ARL10: variants seen among roughly 807,000 people sequenced by gnomAD.
The protein encoded by ARL10 is ADP-ribosylation factor-like protein 10.
ARL10 carries 23 observed loss-of-function variants against 26.1 expected under a neutral mutation model. The ratio of observed to expected loss-of-function variants is 0.88; its 90% CI spans 0.63 to 1.25. The LOEUF (loss-of-function observed/expected upper bound fraction) is 1.25, where lower values mean the gene tolerates loss of function less well. ARL10 is among the 50% of genes most tolerant of loss of function. The pLI is 0.00. For missense variants in ARL10, 300 were observed against 323.6 expected (o/e 0.93, Z 0.56); for synonymous variants, 138 against 149.1 (o/e 0.93, Z 0.54).
intron 3 of ARL10, chr5:176,369,349 C>A: frequency 3.4e-6 from 2 of 582,268 alleles, no homozygotes; most frequent in Non-Finnish European, 5.2e-6. Context: ...TCTTGTGCCT[C>A]AGCCTTCCGA....
chr5:176,392,705 G>A (rs1756311127), downstream of ARL10: 18 of 1,565,708 alleles, frequency 1.1e-5, no homozygotes, highest in East Asian at 2.3e-5. The surrounding 1 kb of genome is among the most constrained non-coding windows in gnomAD (Gnocchi z 5.2). Flanking sequence ...TCTCCACCCC[G>A]ACCAAAGCAG....
At chr5:176,398,199 G>T in intron 1 of ARL10, 1 of 680,290 alleles carries the variant, frequency 1.5e-6, no homozygotes, top group Non-Finnish European at 2.6e-6. Flanking sequence ...CTTTGCACTT[G>T]CTGTTCCCTC....
downstream of ARL10, chr5:176,406,433 G>A (rs1757124518): frequency 8.6e-7 from 1 of 1,166,960 alleles, no homozygotes; most frequent in Non-Finnish European, 1.1e-6. Context: ...CTCCAGGGAT[G>A]GCCAAGAGGA....
chr5:176,397,185 T>A (rs1756563634), intron 1 of ARL10, among the ~76,000 whole-genome samples: 1 of 152,098 alleles, frequency 6.6e-6, no homozygotes. Context: ...ATGCAGCAGT[T>A]CCCTAGACAG....
Position 176,372,199 on chromosome 5 carries a change from G to T in ARL10, c.*304G>T. 1.3e-6 allele frequency: 1 copy of T among 743,888 alleles called. No individual in the cohort carries two copies. The highest frequency in any genetic ancestry group is 3.0e-5 in the South Asian group (1 of 33,450). 46.1% of individuals were successfully genotyped at this position (743,888 alleles called of 1,614,324 possible). A position where few individuals can be genotyped will look rare whatever the true frequency, so the allele number is the denominator to read the frequency against. ...TCTTACCTGTACAGTGAGATGCTCA[G>T]TGGGCTCAATCCTCCACTACAGGTC... On this transcript the variant is annotated 3_prime_UTR_variant, in exon 4 of 4. Coordinates refer to ENST00000310389, the MANE Select transcript of ARL10 (RefSeq NM_173664.6).
chr5:176,414,586 C>A, the ARL10 span, among the ~76,000 whole-genome samples: 1 of 152,082 alleles, frequency 6.6e-6, no homozygotes, highest in African/African-American at 2.4e-5. Flanking sequence ...ACAACTACAG[C>A]TACATGCCAC....
In ARL10 at chr5:176,379,160, T is replaced by C. The variant is rs183167281; in HGVS notation, c.*7265T>C. The C allele has an allele frequency of 3.7e-4, 56 of 152,196 alleles. No individual in the cohort carries two copies. Among genetic ancestry groups the C allele is most frequent in the African/African-American group, 1.3e-3 (52 of 41,520 alleles). The allele number at this position is 152,196 out of a possible 1,614,324, so 9.4% of individuals were successfully genotyped here. On this transcript the variant is annotated 3_prime_UTR_variant, in exon 4 of 4. Transcript: ENST00000310389. ...GCTTTCCCAACTATGTTCTTTTTTA[T>C]GTATGTATGTATGTATTTATTTTTT...
chr5:176,398,176 T>G (rs1303195291), intron 1 of ARL10: 1 of 749,242 alleles, frequency 1.3e-6, no homozygotes, highest in Non-Finnish European at 2.3e-6. Flanking sequence ...CTGTCTCTGG[T>G]GACTACACCT....
At chr5:176,398,224 C>T (rs901581760) in intron 1 of ARL10, among the ~76,000 whole-genome samples, 13 of 152,186 alleles carry the variant, frequency 8.5e-5, no homozygotes, top group African/African-American at 2.2e-4. Context: ...AGCAACACTC[C>T]GCCACCTGTG....
chr5:176,407,776 C>T, the ARL10 span, among the ~76,000 whole-genome samples: 6 of 152,196 alleles, frequency 3.9e-5, no homozygotes, highest in Admixed American at 6.5e-5. Context: ...TTGACTCCCT[C>T]GGGCCCAACT....
chr5:176,392,964 C>T (rs529507506), downstream of ARL10: 200 of 1,613,920 alleles, frequency 1.2e-4, no homozygotes, highest in South Asian at 1.4e-3. The surrounding 1 kb of genome is among the most constrained non-coding windows in gnomAD (Gnocchi z 5.2). Context: ...GGAGATAGGA[C>T]GGGCTTTTAT....
downstream of ARL10, among the ~76,000 whole-genome samples, chr5:176,404,738 T>C (rs1368404324): frequency 6.6e-6 from 1 of 152,194 alleles, no homozygotes; most frequent in East Asian, 1.9e-4. Context: ...CTTTGGCCTC[T>C]CCTGGCACGT....
chr5:176,401,575 GA>G (rs1183876648), intron 1 of ARL10, among the ~76,000 whole-genome samples: 1 of 152,162 alleles, frequency 6.6e-6, no homozygotes, highest in African/African-American at 2.4e-5. Context: ...GGTCATATCT[GA>G]GCACTGTCTT....
At chr5:176,407,908 T>G in the ARL10 span, among the ~76,000 whole-genome samples, 2 of 152,022 alleles carry the variant, frequency 1.3e-5, no homozygotes, top group South Asian at 4.1e-4. Context: ...CCCTCTTACA[T>G]AAGAAAATAA....
chr5:176,406,343 T>A, downstream of ARL10: 1 of 1,112,004 alleles, frequency 9.0e-7, no homozygotes, highest in Non-Finnish European at 1.1e-6. Context: ...CTCCCTAGAA[T>A]CCCTCTCCTG....
At chr5:176,389,219 C>T, downstream of ARL10, 4 of 1,330,580 alleles carry the variant, frequency 3.0e-6, no homozygotes, top group Non-Finnish European at 4.2e-6. Flanking sequence ...CCCTCGCCGC[C>T]CTCCCTCCGC....
At chr5:176,369,958 CAA>C (rs34183741) in intron 3 of ARL10, among the ~76,000 whole-genome samples, 17 of 136,148 alleles carry the variant, frequency 1.2e-4, no homozygotes, top group Admixed American at 1.5e-4. Flanking sequence ...GACCCTATCT[CAA>C]AAAAAAAAAA....
intron 1 of ARL10, chr5:176,397,918 C>T: frequency 3.1e-6 from 5 of 1,611,580 alleles, no homozygotes; most frequent in Non-Finnish European, 4.2e-6. Flanking sequence ...CCCGCCTCAG[C>T]CCCGCCCTCA....
chr5:176,380,202 G>A lies in ARL10; in HGVS notation c.*8307G>A, dbSNP rs1304246141. 6.6e-6 allele frequency: 1 copy of A among 152,174 alleles called. No individual in the cohort carries two copies. Among genetic ancestry groups the A allele is most frequent in the East Asian group, 1.9e-4 (1 of 5,200 alleles). 9.4% of individuals were successfully genotyped at this position (152,174 alleles called of 1,614,324 possible). ...AAGAGACAGAGAAGGAGCAATCCAG[G>A]TTCATGTGCTGCATGAGCCTTTCAT... is the stretch of plus-strand genomic sequence containing the variant. On this transcript the variant is annotated 3_prime_UTR_variant, in exon 4 of 4. Coordinates refer to ENST00000310389, the MANE Select transcript of ARL10 (RefSeq NM_173664.6).
Sources: allele counts gnomAD v4.1 joint callset (sites outside exome capture counted in the v4.1 genomes callset), GRCh38; gene constraint gnomAD v4.1.1; non-coding constraint Gnocchi (gnomAD v3.1); transcripts MANE v1.5; gene names NCBI Gene and HGNC (gene_info 2026-07-23, HGNC 2026-07-21).